AP2A2: variants seen among roughly 807,000 people sequenced by gnomAD.
The protein encoded by AP2A2 is adaptor related protein complex 2 subunit alpha 2.
In AP2A2, 32 loss-of-function variants were observed where a neutral mutation model predicts 104.2. The ratio of observed to expected loss-of-function variants is 0.31; its 90% CI spans 0.23 to 0.41. The LOEUF (loss-of-function observed/expected upper bound fraction) is 0.41, where lower values mean the gene tolerates loss of function less well. AP2A2 is among the 10% of genes least tolerant of loss of function. The pLI, the probability that AP2A2 is intolerant of heterozygous loss-of-function variation, is 1.00. For synonymous variants in AP2A2, 539 were observed against 533.3 expected, an observed-to-expected ratio of 1.01 and a Z score of -0.15; for missense variants, 912 against 1,261.0, an observed-to-expected ratio of 0.72 and a Z score of 4.19.
chr11:927,464 A>G (rs973093014), intron 1 of AP2A2, among the ~76,000 whole-genome samples: 1 of 149,786 alleles, frequency 6.7e-6, no homozygotes. Context: ...GTTCTCCCAC[A>G]CTCTGTGGAA....
chr11:973,802 G>A (rs986810814), intron 4 of AP2A2, among the ~76,000 whole-genome samples: 3 of 152,190 alleles, frequency 2.0e-5, no homozygotes, highest in African/African-American at 7.2e-5. Context: ...TTGCTTGCCT[G>A]TTTATTACCT....
At chr11:979,158 G>A (rs1254623843) in intron 5 of AP2A2, among the ~76,000 whole-genome samples, 2 of 151,484 alleles carry the variant, frequency 1.3e-5, no homozygotes, top group Non-Finnish European at 2.9e-5. Flanking sequence ...GCCTCTTACA[G>A]TCTCAGTGCA....
intron 2 of AP2A2, among the ~76,000 whole-genome samples, chr11:967,298 G>T (rs1299641768): frequency 6.6e-6 from 1 of 152,218 alleles, no homozygotes; most frequent in African/African-American, 2.4e-5. Context: ...CCTGTGTTGT[G>T]ACCTTACGTT....
At chr11:943,453 G>C (rs1203830487) in intron 1 of AP2A2, 1 of 159,138 alleles carries the variant, frequency 6.3e-6, no homozygotes, top group African/African-American at 2.4e-5. Flanking sequence ...CTTTAACTAC[G>C]AGGCCCAGGG....
chr11:983,541 C>G (rs907606523), intron 6 of AP2A2, among the ~76,000 whole-genome samples: 1 of 151,736 alleles, frequency 6.6e-6, no homozygotes, highest in Non-Finnish European at 1.5e-5. Flanking sequence ...CGCCACCATG[C>G]CTGGCTAATT....
chr11:948,101 T>A (rs1853913558), intron 1 of AP2A2, among the ~76,000 whole-genome samples: 1 of 152,158 alleles, frequency 6.6e-6, no homozygotes, highest in Non-Finnish European at 1.5e-5. Flanking sequence ...TGTTTCACCT[T>A]AAGACACCAG....
At chr11:955,779 G>T (rs1391816347) in intron 1 of AP2A2, among the ~76,000 whole-genome samples, 1 of 152,194 alleles carries the variant, frequency 6.6e-6, no homozygotes, top group Non-Finnish European at 1.5e-5. Context: ...AAAGACAAAA[G>T]ATATTCTGGA....
In AP2A2 at chr11:1,008,134, A is replaced by C; in HGVS notation, c.2419A>C (p.Arg807=). The change falls in exon 18 of 22, where the codon AGG becomes CGG. Residue 807 remains arginine (R), a splice_region_variant and synonymous_variant. Coordinates refer to ENST00000448903, the MANE Select transcript of AP2A2 (RefSeq NM_012305.4). Reference sequence around the variant, plus strand: ...GGCGCCAGTCCTCAACATTCAGTTCAGGTAAGAGCCGCCTGTGCGCCCCGG... The same window carrying C: ...GGCGCCAGTCCTCAACATTCAGTTCCGGTAAGAGCCGCCTGTGCGCCCCGG... ...TEAPVLNIQF[R]YGGTFQNVSV... The C allele has an allele frequency of 6.2e-7, 1 of 1,602,208 alleles. No homozygotes were observed. Among genetic ancestry groups the C allele is most frequent in the East Asian group, 2.2e-5 (1 of 44,514 alleles).
intron 1 of AP2A2, among the ~76,000 whole-genome samples, chr11:937,081 C>G (rs536914881): frequency 6.6e-6 from 1 of 151,980 alleles, no homozygotes; most frequent in African/African-American, 2.4e-5. Context: ...AGTGCAGTGG[C>G]GCGATCTCAG....
At position 1,009,894 on chromosome 11, in the gene AP2A2, G is replaced by C. The variant is rs890032591; in HGVS notation, c.2742+77G>C. On this transcript the variant is annotated intron_variant, in intron 21 of 21. Coordinates refer to ENST00000448903, the MANE Select transcript of AP2A2 (RefSeq NM_012305.4). Reference sequence around the variant, plus strand: ...CACAATGTACGTGGTGAGATGTGTAGCTCTTTAGTGCAGTTCAGTCAGTTT... The same window carrying C: ...CACAATGTACGTGGTGAGATGTGTACCTCTTTAGTGCAGTTCAGTCAGTTT... 9.6e-6 allele frequency: 14 copies of C among 1,464,776 alleles called. No homozygotes were observed. The African/African-American group carries it at 1.5e-4, about 16-fold the overall frequency. The allele number at this position is 1,464,776 out of a possible 1,614,324, so 90.7% of individuals were successfully genotyped here. A position where few individuals can be genotyped will look rare whatever the true frequency, so the allele number is the denominator to read the frequency against.
intron 2 of AP2A2, among the ~76,000 whole-genome samples, chr11:960,267 G>C (rs574030952): frequency 6.6e-6 from 1 of 150,974 alleles, no homozygotes; most frequent in Admixed American, 6.6e-5. Flanking sequence ...TTTTGAGATG[G>C]AGTCTTGCTC....
chr11:987,004 G>A (rs1316723720), intron 9 of AP2A2, 51 bp downstream of exon 9: 3 of 1,532,582 alleles, frequency 2.0e-6, no homozygotes, highest in Non-Finnish European at 1.8e-6. Context: ...GGTGCCGTGG[G>A]TCTTCCTGTG....
At chr11:990,743 C>G (rs1205264282) in intron 10 of AP2A2, among the ~76,000 whole-genome samples, 3 of 146,488 alleles carry the variant, frequency 2.0e-5, no homozygotes, top group Non-Finnish European at 3.0e-5. Context: ...GTGCTCCCCC[C>G]ACCCCATCCT....
chr11:988,542 T>G lies in AP2A2; in HGVS notation c.1132-10T>G, dbSNP rs1335428612. On this transcript the variant is annotated splice_polypyrimidine_tract_variant and intron_variant, in intron 9 of 21. Transcript: ENST00000448903. ...TCCTGCGACCTCTTACTCTGTGCCT[T>G]GTTCCCCAGACTGAGCGGGACGTGA... The G allele has an allele frequency of 1.2e-6, 2 of 1,609,344 alleles. No individual in the cohort carries two copies. Among genetic ancestry groups the G allele is most frequent in the South Asian group, 2.2e-5 (2 of 91,060 alleles).
At chr11:1,009,531 C>A in intron 20 of AP2A2, 134 bp downstream of exon 20, 2 of 1,312,996 alleles carry the variant, frequency 1.5e-6, no homozygotes, top group Non-Finnish European at 2.1e-6. Context: ...CCGGGGGACA[C>A]GCAGCCCGCG....
chr11:1,008,057 G>C lies in AP2A2; in HGVS notation c.2342G>C (p.Gly781Ala), dbSNP rs1306008948. The C allele has an allele frequency of 6.3e-7, 1 of 1,581,768 alleles. No individual in the cohort carries two copies. Among genetic ancestry groups the C allele is most frequent in the Non-Finnish European group, 8.6e-7 (1 of 1,164,690 alleles). Residue 781 changes from glycine to alanine, a missense_variant, in exon 18 of 22, where the codon GGC (glycine) becomes GCC (alanine). Coordinates refer to ENST00000448903, the MANE Select transcript of AP2A2 (RefSeq NM_012305.4). The part of the protein sequence containing the change: ...TKPVDPTVEG[G>A]AQVQQVVNIE... ...CCCGTGGACCCGACCGTGGAGGGGG[G>C]CGCGCAGGTGCAGCAGGTGGTCAAC...
chr11:1,009,630 A>C lies in AP2A2; in HGVS notation c.2608-53A>C, dbSNP rs1026720599. 1.2e-5 allele frequency: 18 copies of C among 1,462,312 alleles called. No homozygotes were observed. In the African/African-American group the frequency reaches 2.4e-4, roughly 19 times the overall value. The allele number at this position is 1,462,312 out of a possible 1,614,324, so 90.6% of individuals were successfully genotyped here. A position where few individuals can be genotyped will look rare whatever the true frequency, so the allele number is the denominator to read the frequency against. ...GTCTGGAGGGGCGGCCCCGGGGGAC[A>C]CGCTGCCCGCGACCCCGCGCCAGGG... On this transcript the variant is annotated intron_variant, in intron 20 of 21. Coordinates refer to ENST00000448903, the MANE Select transcript of AP2A2 (RefSeq NM_012305.4).
chr11:943,829 A>G (rs1321221061), intron 1 of AP2A2, among the ~76,000 whole-genome samples: 2 of 141,296 alleles, frequency 1.4e-5, no homozygotes, highest in African/African-American at 5.4e-5. Flanking sequence ...AGAATAGGAG[A>G]GTCCGACCGG....
intron 2 of AP2A2, among the ~76,000 whole-genome samples, chr11:962,510 A>T (rs953686818): frequency 1.3e-5 from 2 of 152,148 alleles, no homozygotes; most frequent in African/African-American, 4.8e-5. Context: ...AGGCGGGCGG[A>T]TCGATTGAGG....
Sources: allele counts gnomAD v4.1 joint callset (sites outside exome capture counted in the v4.1 genomes callset), GRCh38; gene constraint gnomAD v4.1.1; transcripts MANE v1.5; gene names NCBI Gene and HGNC (gene_info 2026-07-23, HGNC 2026-07-21).